LIMCH1: variants seen among roughly 807,000 people sequenced by gnomAD.
LIMCH1 encodes LIM and calponin homology domains 1.
Under a neutral mutation model 176.5 loss-of-function variants are expected in LIMCH1, and 113 were observed. That is an observed-to-expected ratio of 0.64 (90% CI 0.55 to 0.75). The LOEUF (loss-of-function observed/expected upper bound fraction) is 0.75, where lower values mean the gene tolerates loss of function less well. LIMCH1 is among the 30% of genes least tolerant of loss of function. LIMCH1 has a pLI of 0.00. For missense variants in LIMCH1, 1,674 were observed against 1,814.9 expected, an observed-to-expected ratio of 0.92 and a Z score of 1.41; for synonymous variants, 619 against 645.9, an observed-to-expected ratio of 0.96 and a Z score of 0.63.
intron 1 of LIMCH1, among the ~76,000 whole-genome samples, chr4:41,364,079 G>A (rs1433155100): frequency 6.6e-6 from 1 of 152,096 alleles, no homozygotes; most frequent in Non-Finnish European, 1.5e-5. Context: ...CTTTACTGTG[G>A]TTCCAAATGA....
chr4:41,497,953 T>C (rs2154177389), intron 2 of LIMCH1, among the ~76,000 whole-genome samples: 1 of 152,240 alleles, frequency 6.6e-6, no homozygotes, highest in Admixed American at 6.5e-5. Context: ...CCTGCAGACC[T>C]AAGTTTGGGG....
intron 1 of LIMCH1, among the ~76,000 whole-genome samples, chr4:41,550,095 A>T (rs1236979464): frequency 1.3e-5 from 2 of 151,668 alleles, no homozygotes; most frequent in Non-Finnish European, 2.9e-5. Flanking sequence ...ATTGTAAGAG[A>T]CGGCAGGCTT....
At chr4:41,369,988 C>T (rs1293784264) in intron 1 of LIMCH1, among the ~76,000 whole-genome samples, 4 of 101,316 alleles carry the variant, frequency 3.9e-5, no homozygotes, top group Admixed American at 1.0e-4. Flanking sequence ...AGCAGTTTAC[C>T]CAATAGTTGC....
chr4:41,616,139 G>T (rs2092042994), intron 5 of LIMCH1, among the ~76,000 whole-genome samples: 1 of 152,106 alleles, frequency 6.6e-6, no homozygotes, highest in Admixed American at 6.5e-5. Context: ...TAGGTTAAAT[G>T]AACAGTCTAA....
chr4:41,390,269 A>AGAGAGAGAGAGCGAGAGAGC (rs760332127), intron 1 of LIMCH1, among the ~76,000 whole-genome samples: 2 of 150,304 alleles, frequency 1.3e-5, no homozygotes, highest in Admixed American at 6.6e-5. Flanking sequence ...AGAGAGAGAG[A>AGAGAGAGAGAGCGAGAGAGC]GAGAGCGAGA....
chr4:41,437,419 C>T (rs2062194660), intron 1 of LIMCH1, among the ~76,000 whole-genome samples: 1 of 152,218 alleles, frequency 6.6e-6, no homozygotes, highest in Non-Finnish European at 1.5e-5. Flanking sequence ...AGAAAGATTT[C>T]TGAACCATTG....
chr4:41,638,061 G>A lies in LIMCH1; in HGVS notation c.2091-871G>A, dbSNP rs187262933. Among the ~76,000 whole-genome samples the A allele has an allele frequency of 1.5e-3, 228 of 152,172 alleles. 1 individual carries two copies. Among genetic ancestry groups the A allele is most frequent in the Admixed American group, 3.3e-3 (50 of 15,296 alleles). On this transcript the variant is annotated intron_variant, in intron 13 of 31. Coordinates refer to ENST00000503057, the MANE Select transcript of LIMCH1 (RefSeq NM_001330672.2). Reference sequence around the variant, plus strand: ...AGGTAAGAACTGACCCTTAAAACTCGCCTTTGCTGAAGAGACAGGCATTTG... The same window carrying A: ...AGGTAAGAACTGACCCTTAAAACTCACCTTTGCTGAAGAGACAGGCATTTG...
intron 4 of LIMCH1, among the ~76,000 whole-genome samples, chr4:41,610,652 G>A (rs550682490): frequency 2.0e-5 from 3 of 152,264 alleles, no homozygotes; most frequent in East Asian, 1.9e-4. Context: ...TGAGACAGGC[G>A]TTATTATTAG....
intron 17 of LIMCH1, 59 bp from the exon 18 acceptor site, chr4:41,650,334 G>T (rs2094238344): frequency 8.1e-7 from 1 of 1,229,214 alleles, no homozygotes; most frequent in Non-Finnish European, 1.2e-6. Flanking sequence ...GTGTCGTTTT[G>T]TTACAGTCTT....
intron 1 of LIMCH1, among the ~76,000 whole-genome samples, chr4:41,445,371 G>C (rs958198547): frequency 9.2e-5 from 14 of 152,128 alleles, no homozygotes; most frequent in Admixed American, 7.2e-4. Context: ...GCAGTTGATT[G>C]ATTGTCCATG....
intron 1 of LIMCH1, among the ~76,000 whole-genome samples, chr4:41,365,019 C>T (rs1014350564): frequency 1.3e-5 from 2 of 152,234 alleles, no homozygotes; most frequent in African/African-American, 4.8e-5. Context: ...CTGTTCTAAT[C>T]TGTGGTTCTT....
intron 2 of LIMCH1, among the ~76,000 whole-genome samples, chr4:41,514,933 C>G (rs2075389233): frequency 6.6e-6 from 1 of 152,192 alleles, no homozygotes; most frequent in Non-Finnish European, 1.5e-5. Flanking sequence ...TTATGTAACC[C>G]AAACCACATC....
At chr4:41,628,027 A>G (rs1305653052) in intron 8 of LIMCH1, among the ~76,000 whole-genome samples, 1 of 152,242 alleles carries the variant, frequency 6.6e-6, no homozygotes, top group East Asian at 1.9e-4. Flanking sequence ...ATTCCTGGAT[A>G]TAGAACAGGG....
intron 22 of LIMCH1, 41 bp from the exon 23 acceptor site, chr4:41,676,341 A>T (rs370548787): frequency 1.3e-6 from 2 of 1,536,808 alleles, no homozygotes; most frequent in Non-Finnish European, 1.8e-6. Context: ...TCCCTTGAGG[A>T]CATGGCTCAA....
Position 41,632,783 on chromosome 4 carries a change from A to C in LIMCH1, c.1636A>C (p.Arg546=). The C allele has an allele frequency of 6.5e-7, 1 of 1,536,300 alleles. No homozygotes were observed. The highest frequency in any genetic ancestry group is 8.7e-7 in the Non-Finnish European group (1 of 1,146,912). The change falls in exon 11 of 32, where the codon AGG becomes CGG. Residue 546 remains arginine (R), a synonymous_variant. Coordinates refer to ENST00000503057, the MANE Select transcript of LIMCH1 (RefSeq NM_001330672.2). The stretch of plus-strand genomic sequence containing the variant: ...TTGTGGCCGAGGTGACTATTGCAGA[A>C]GGGCCTCGTGGCTGGCTCCTGTGCC... The part of the protein sequence containing the change: ...MNCGRGDYCR[R]ASWLAPVPES...
intron 1 of LIMCH1, among the ~76,000 whole-genome samples, chr4:41,377,711 A>G (rs1446818849): frequency 6.6e-6 from 1 of 152,208 alleles, no homozygotes; most frequent in Non-Finnish European, 1.5e-5. Flanking sequence ...GGGGCTGCAT[A>G]TAGTGAGGGG....
intron 2 of LIMCH1, among the ~76,000 whole-genome samples, chr4:41,521,928 T>TA (rs1347114059): frequency 6.6e-6 from 1 of 152,108 alleles, no homozygotes; most frequent in African/African-American, 2.4e-5. Context: ...AAAAACAGCT[T>TA]AAAAATCTCA....
At chr4:41,574,746 T>C (rs1258871891) in intron 1 of LIMCH1, among the ~76,000 whole-genome samples, 1 of 152,202 alleles carries the variant, frequency 6.6e-6, no homozygotes, top group Non-Finnish European at 1.5e-5. Context: ...TGTTTGCTTT[T>C]TGCTTTCTGG....
intron 1 of LIMCH1, among the ~76,000 whole-genome samples, chr4:41,452,304 T>G (rs569489662): frequency 5.3e-5 from 8 of 152,218 alleles, no homozygotes; most frequent in Non-Finnish European, 1.0e-4. Context: ...TTTCCTTTCA[T>G]AAGCCTTCAT....
Sources: allele counts gnomAD v4.1 joint callset (sites outside exome capture counted in the v4.1 genomes callset), GRCh38; gene constraint gnomAD v4.1.1; transcripts MANE v1.5; gene names NCBI Gene and HGNC (gene_info 2026-07-23, HGNC 2026-07-21).